PRKN: variants seen among roughly 807,000 people sequenced by gnomAD.
The protein encoded by PRKN is parkin RBR E3 ubiquitin protein ligase, also known as E3 ubiquitin-protein ligase parkin.
Under a neutral mutation model 59.5 loss-of-function variants are expected in PRKN, and 56 were observed. The observed-to-expected ratio is 0.94, with a 90% CI of 0.76 to 1.18. PRKN has a LOEUF of 1.18. PRKN is among the 50% of genes most tolerant of loss of function. The pLI is 0.00. For synonymous variants in PRKN, 250 were observed against 222.1 expected (o/e 1.13, Z -1.12); for missense variants, 657 against 596.4 (o/e 1.10, Z -1.06).
At chr6:162,608,823 T>C (rs1303849171) in intron 1 of PRKN, among the ~76,000 whole-genome samples, 1 of 151,982 alleles carries the variant, frequency 6.6e-6, no homozygotes, top group Non-Finnish European at 1.5e-5. Context: ...AAAACATGTG[T>C]GGGTGGTCAG....
intron 7 of PRKN, among the ~76,000 whole-genome samples, chr6:161,660,998 C>T (rs992523713): frequency 6.6e-6 from 1 of 152,130 alleles, no homozygotes; most frequent in African/African-American, 2.4e-5. Flanking sequence ...GTATCTAACC[C>T]ACATACCTCT....
chr6:161,757,933 G>GTGTGTGTATATA (rs1554301354), intron 7 of PRKN, among the ~76,000 whole-genome samples: 6 of 101,440 alleles, frequency 5.9e-5, no homozygotes, highest in African/African-American at 2.3e-4. Context: ...CTCTCTCTCT[G>GTGTGTGTATATA]TATATATATG....
intron 6 of PRKN, among the ~76,000 whole-genome samples, chr6:161,802,290 C>A (rs1198910198): frequency 6.6e-6 from 1 of 152,120 alleles, no homozygotes. Flanking sequence ...ATCCTCTAAG[C>A]CTGCCACACT....
chr6:161,636,855 G>A (rs1783541607), intron 7 of PRKN, among the ~76,000 whole-genome samples: 1 of 150,540 alleles, frequency 6.6e-6, no homozygotes, highest in Non-Finnish European at 1.5e-5. Context: ...AAAGGCAGGA[G>A]GAGGGATGAC....
At chr6:162,533,704 C>T (rs1211998183) in intron 1 of PRKN, among the ~76,000 whole-genome samples, 2 of 151,964 alleles carry the variant, frequency 1.3e-5, no homozygotes, top group African/African-American at 4.8e-5. Context: ...ATATGCCGAG[C>T]ACACACCTGT....
Position 161,560,754 on chromosome 6 carries a change from T to C in PRKN, c.933+8601A>G, listed in dbSNP as rs1195517827. Among the ~76,000 whole-genome samples, 1 of 152,214 alleles carries C rather than the reference T, an allele frequency of 6.6e-6. No homozygotes were observed. The highest frequency in any genetic ancestry group is 2.4e-5 in the African/African-American group (1 of 41,458). On this transcript the variant is annotated intron_variant, in intron 8 of 11. Transcript: ENST00000366898. The surrounding 1 kb of genome is among the most constrained non-coding windows in gnomAD (Gnocchi z 4.9). ...TATCTTTCCAAATCTCTTGCTAAAG[T>C]ATGAACATTGCTTAAATTCTTCAAC...
At chr6:162,108,721 G>T (rs1780296042) in intron 4 of PRKN, among the ~76,000 whole-genome samples, 1 of 152,204 alleles carries the variant, frequency 6.6e-6, no homozygotes, top group African/African-American at 2.4e-5. Flanking sequence ...TGTTTGTGAA[G>T]GATGAGGATT....
At chr6:162,294,816 T>C (rs1029137174) in intron 2 of PRKN, among the ~76,000 whole-genome samples, 1 of 152,030 alleles carries the variant, frequency 6.6e-6, no homozygotes, top group Non-Finnish European at 1.5e-5. Context: ...AAAAGAGGGA[T>C]GTAAGTAATG....
At chr6:161,882,098 C>A (rs1418928505) in intron 6 of PRKN, among the ~76,000 whole-genome samples, 1 of 152,154 alleles carries the variant, frequency 6.6e-6, no homozygotes, top group Non-Finnish European at 1.5e-5. Context: ...ATAGAAACAG[C>A]AAATATAAAA....
intron 2 of PRKN, among the ~76,000 whole-genome samples, chr6:162,367,777 A>G (rs1785530499): frequency 6.6e-6 from 1 of 152,172 alleles, no homozygotes; most frequent in Admixed American, 6.6e-5. Flanking sequence ...AGAGAAAAAA[A>G]GAAAGAAAAA....
intron 1 of PRKN, among the ~76,000 whole-genome samples, chr6:162,685,638 GA>G (rs1325892991): frequency 3.9e-5 from 6 of 152,042 alleles, no homozygotes; most frequent in African/African-American, 1.4e-4. Flanking sequence ...AAAAGCCAAG[GA>G]AATCCACTTA....
At chr6:161,726,430 CG>C (rs1475728739) in intron 7 of PRKN, among the ~76,000 whole-genome samples, 1 of 152,258 alleles carries the variant, frequency 6.6e-6, no homozygotes, top group African/African-American at 2.4e-5. Context: ...ATGTGTTATC[CG>C]GCACATGGCA....
At chr6:161,612,654 G>A (rs950355213) in intron 7 of PRKN, among the ~76,000 whole-genome samples, 1 of 144,096 alleles carries the variant, frequency 6.9e-6, no homozygotes, top group African/African-American at 2.6e-5. Flanking sequence ...CTGGGAGGCA[G>A]AGGTTGCAGT....
chr6:161,374,513 GGTGT>G (rs1289637649), intron 10 of PRKN, among the ~76,000 whole-genome samples: 97 of 142,542 alleles, frequency 6.8e-4, no homozygotes, highest in African/African-American at 2.3e-3. Flanking sequence ...ATGTATGTGT[GGTGT>G]GTGTAATGGG....
chr6:161,631,126 G>A (rs1783291000), intron 7 of PRKN, among the ~76,000 whole-genome samples: 1 of 152,168 alleles, frequency 6.6e-6, no homozygotes, highest in Admixed American at 6.5e-5. Flanking sequence ...GTTGATTGGG[G>A]GTGAGTACAT....
At position 161,355,371 on chromosome 6, in the gene PRKN, A is replaced by G. The variant is rs1784708123; in HGVS notation, c.1285+4717T>C. On this transcript the variant is annotated intron_variant, in intron 11 of 11. Transcript: ENST00000366898. This position sits in a 1 kb window ranked among gnomAD's most constrained non-coding sequence, Gnocchi z 6.8. Reference sequence around the variant, plus strand: ...AGATCGGTTTATGTGTATATCTCTAAACTTTACAAGCTAAGTTTTTGTGTG... The same window carrying G: ...AGATCGGTTTATGTGTATATCTCTAGACTTTACAAGCTAAGTTTTTGTGTG... Among the ~76,000 whole-genome samples, 1 of 152,168 alleles carries G rather than the reference A, an allele frequency of 6.6e-6. No homozygotes were observed. Among genetic ancestry groups the G allele is most frequent in the African/African-American group, 2.4e-5 (1 of 41,456 alleles).
In PRKN at chr6:161,555,533, C is replaced by A. The variant is rs116767974; in HGVS notation, c.934-6530G>T. ...TAGGCAGTGTTCAAAAATATGGGGG[C>A]TTCCTTTCTGCAATCTCACAACTCT... is the stretch of plus-strand genomic sequence containing the variant. On this transcript the variant is annotated intron_variant, in intron 8 of 11. Coordinates refer to ENST00000366898, the MANE Select transcript of PRKN (RefSeq NM_004562.3). Among the ~76,000 whole-genome samples, 466 of 152,266 alleles carry A rather than the reference C, an allele frequency of 3.1e-3. 2 individuals carry two copies. The highest frequency in any genetic ancestry group is 0.011 in the African/African-American group (454 of 41,552).
intron 7 of PRKN, among the ~76,000 whole-genome samples, chr6:161,720,146 A>C (rs1787160647): frequency 6.6e-6 from 1 of 152,268 alleles, no homozygotes. Flanking sequence ...AATAATCACA[A>C]GCCTGAAGTG....
In PRKN at chr6:161,757,880, TATATATACACACACACACAC is replaced by T. The variant is rs1257407718; in HGVS notation, c.871+27872_871+27891del. Among the ~76,000 whole-genome samples, 160 of 96,834 alleles carry T rather than the reference TATATATACACACACACACAC, an allele frequency of 1.7e-3. 4 individuals carry two copies. Among genetic ancestry groups the T allele is most frequent in the African/African-American group, 7.3e-3 (155 of 21,182 alleles). The allele number at this position is 96,834 out of a possible 152,430, so 63.5% of individuals were successfully genotyped here. A position where few individuals can be genotyped will look rare whatever the true frequency, so the allele number is the denominator to read the frequency against. ...CTCTCTCTCTCTCTCTCTGTGTATA[TATATATACACACACACACAC>T]ACACACACACACACACACACATCTC... On this transcript the variant is annotated intron_variant, in intron 7 of 11. Transcript: ENST00000366898.
Sources: gnomAD v4.1 joint callset for allele counts (sites outside exome capture counted in the v4.1 genomes callset) on GRCh38, gnomAD v4.1.1 for gene constraint, Gnocchi (gnomAD v3.1) non-coding constraint, MANE v1.5 for transcripts, NCBI Gene and HGNC (gene_info 2026-07-23, HGNC 2026-07-21) for gene names.